The following PBX3 variants were observed in gnomAD, a reference collection of about 807,000 sequenced individuals.
The protein encoded by PBX3 is pre-B-cell leukemia transcription factor 3.
Under a neutral mutation model 48.5 loss-of-function variants are expected in PBX3, and 14 were observed. The observed-to-expected ratio is 0.29, with a 90% CI of 0.19 to 0.45. The LOEUF (loss-of-function observed/expected upper bound fraction) is 0.45, where lower values mean the gene tolerates loss of function less well. Ranked by LOEUF, PBX3 falls within the 20% of genes least tolerant of loss-of-function variation. The pLI, the probability that PBX3 is intolerant of heterozygous loss-of-function variation, is 1.00. For missense variants in PBX3, 386 were observed against 546.7 expected (o/e 0.71, Z 2.93); for synonymous variants, 210 against 200.3 (o/e 1.05, Z -0.41).
At chr9:125,820,093 T>C (rs1037778021) in intron 2 of PBX3, among the ~76,000 whole-genome samples, 1 of 152,206 alleles carries the variant, frequency 6.6e-6, no homozygotes, top group Non-Finnish European at 1.5e-5. Context: ...CTGCACTGAA[T>C]TGAAGTTTTT....
Position 125,759,535 on chromosome 9 carries a change from G to C in PBX3, c.274+10912G>C, listed in dbSNP as rs540291402. The stretch of plus-strand genomic sequence containing the variant: ...CAATGAAAGAAAAAGAACTGTAATC[G>C]CACATTTACATATGCTTCTAATTGT... On this transcript the variant is annotated intron_variant, in intron 2 of 8. Transcript: ENST00000373489. This position sits in a 1 kb window ranked among gnomAD's most constrained non-coding sequence, Gnocchi z 4.2. Among the ~76,000 whole-genome samples, 1 of 152,146 alleles carries C rather than the reference G, an allele frequency of 6.6e-6. No individual in the cohort carries two copies. The highest frequency in any genetic ancestry group is 1.5e-5 in the Non-Finnish European group (1 of 68,018).
At chr9:125,911,301 A>T (rs1008219165) in intron 2 of PBX3, among the ~76,000 whole-genome samples, 1 of 152,112 alleles carries the variant, frequency 6.6e-6, no homozygotes, top group African/African-American at 2.4e-5. Flanking sequence ...TTTGGGGAGA[A>T]AAGTAGCAAC....
chr9:125,821,485 A>G (rs1004408953), intron 2 of PBX3, among the ~76,000 whole-genome samples: 2 of 152,124 alleles, frequency 1.3e-5, no homozygotes, highest in Admixed American at 6.5e-5. Context: ...ATGGAAATGA[A>G]GACAAGATCA....
chr9:125,932,399 T>C (rs530060889), intron 4 of PBX3, among the ~76,000 whole-genome samples: 1 of 152,328 alleles, frequency 6.6e-6, no homozygotes, highest in South Asian at 2.1e-4. Flanking sequence ...TTCATGAACA[T>C]TTCTTCTCTC....
intron 2 of PBX3, among the ~76,000 whole-genome samples, chr9:125,862,183 C>A (rs996591010): frequency 3.9e-5 from 6 of 152,114 alleles, no homozygotes; most frequent in African/African-American, 1.4e-4. Flanking sequence ...GGTGTTTTTC[C>A]TGGTGGCGTT....
intron 3 of PBX3, among the ~76,000 whole-genome samples, chr9:125,917,957 T>C (rs1027783664): frequency 7.9e-5 from 12 of 152,318 alleles, no homozygotes; most frequent in Non-Finnish European, 1.6e-4. Context: ...TATGAATAAT[T>C]GAGAGTAAAC....
At position 125,849,355 on chromosome 9, in the gene PBX3, C is replaced by T. The variant is rs533389362; in HGVS notation, c.275-66331C>T. ...AGGAATGAAAGGATATCAGGGTGCA[C>T]ATGGTGGATTTAAAAAAAAAAAAGG... On this transcript the variant is annotated intron_variant, in intron 2 of 8. Coordinates refer to ENST00000373489, the MANE Select transcript of PBX3 (RefSeq NM_006195.6). Among the ~76,000 whole-genome samples, 4 of 150,084 alleles carry T rather than the reference C, an allele frequency of 2.7e-5. No homozygotes were observed. The South Asian group carries it at 8.4e-4, about 32-fold the overall frequency.
chr9:125,804,110 A>C (rs1391830307), intron 2 of PBX3, among the ~76,000 whole-genome samples: 1 of 152,228 alleles, frequency 6.6e-6, no homozygotes, highest in Non-Finnish European at 1.5e-5. Context: ...CTCTCAGATC[A>C]GTCTTGGGGA....
intron 2 of PBX3, among the ~76,000 whole-genome samples, chr9:125,892,216 C>G (rs1840664167): frequency 6.6e-6 from 1 of 152,278 alleles, no homozygotes; most frequent in East Asian, 1.9e-4. Flanking sequence ...AGCCACCACT[C>G]CTGGCCTCAA....
intron 2 of PBX3, among the ~76,000 whole-genome samples, chr9:125,841,418 T>C (rs1839287121): frequency 6.6e-6 from 1 of 152,214 alleles, no homozygotes; most frequent in Non-Finnish European, 1.5e-5. Flanking sequence ...TAGCACACCC[T>C]AGGTACTATG....
chr9:125,949,759 A>G (rs1842147678), intron 5 of PBX3, among the ~76,000 whole-genome samples: 1 of 152,216 alleles, frequency 6.6e-6, no homozygotes, highest in Non-Finnish European at 1.5e-5. Context: ...AGGCGTGACT[A>G]TAGGATTTCT....
intron 2 of PBX3, among the ~76,000 whole-genome samples, chr9:125,791,839 G>A (rs1837619798): frequency 6.6e-6 from 1 of 151,922 alleles, no homozygotes; most frequent in Admixed American, 6.6e-5. Context: ...GGGAGGCTGA[G>A]GTAGGAGAAT....
At chr9:125,900,315 A>C (rs1231239963) in intron 2 of PBX3, among the ~76,000 whole-genome samples, 1 of 147,336 alleles carries the variant, frequency 6.8e-6, no homozygotes, top group African/African-American at 2.5e-5. Context: ...TGTTCATCTA[A>C]TTAGTATGTT....
chr9:125,756,997 T>G (rs1836535421), intron 2 of PBX3, among the ~76,000 whole-genome samples: 1 of 152,170 alleles, frequency 6.6e-6, no homozygotes, highest in African/African-American at 2.4e-5. Flanking sequence ...AAAAAGCTTT[T>G]GAAATTGCAT....
At chr9:125,878,836 T>C (rs531221149) in intron 2 of PBX3, among the ~76,000 whole-genome samples, 1 of 152,334 alleles carries the variant, frequency 6.6e-6, no homozygotes, top group East Asian at 1.9e-4. Context: ...TCGTTAGTGA[T>C]ATAAGAGGTG....
At chr9:125,949,317 G>C in intron 5 of PBX3, 5 of 1,548,718 alleles carry the variant, frequency 3.2e-6, no homozygotes, top group Non-Finnish European at 3.5e-6. Flanking sequence ...GGCATCTCAG[G>C]AATGTTCATT....
chr9:125,793,366 A>AAATACATATAT, intron 2 of PBX3, among the ~76,000 whole-genome samples: 1 of 101,940 alleles, frequency 9.8e-6, no homozygotes, highest in South Asian at 3.5e-4. Context: ...GGAAAAAAAA[A>AAATACATATAT]ATATATATAT....
chr9:125,808,545 G>T (rs1838196042), intron 2 of PBX3, among the ~76,000 whole-genome samples: 1 of 152,042 alleles, frequency 6.6e-6, no homozygotes, highest in Non-Finnish European at 1.5e-5. Flanking sequence ...ATGCGTTGGT[G>T]GTCTTAGCGA....
intron 3 of PBX3, among the ~76,000 whole-genome samples, chr9:125,920,241 T>C (rs1841428908): frequency 1.3e-5 from 2 of 152,360 alleles, no homozygotes; most frequent in African/African-American, 2.4e-5. Context: ...AAGAGACAAA[T>C]CTAGTTGCTT....
Sources: allele counts gnomAD v4.1 joint callset (sites outside exome capture counted in the v4.1 genomes callset), GRCh38; gene constraint gnomAD v4.1.1; non-coding constraint Gnocchi (gnomAD v3.1); transcripts MANE v1.5; gene names NCBI Gene and HGNC (gene_info 2026-07-23, HGNC 2026-07-21).